DPP10: variants seen among roughly 807,000 people sequenced by gnomAD.
DPP10 encodes inactive dipeptidyl peptidase 10.
A neutral mutation model predicts 120.9 loss-of-function variants in DPP10; 33 were observed. That is an observed-to-expected ratio of 0.27 (90% CI 0.21 to 0.37). DPP10 has a LOEUF of 0.37. Among genes scored for constraint, DPP10 ranks in the 10% least tolerant of loss-of-function variants. The pLI is 1.00. For synonymous variants in DPP10, 337 were observed against 326.1 expected, an observed-to-expected ratio of 1.03 and a Z score of -0.36; for missense variants, 816 against 942.8, an observed-to-expected ratio of 0.87 and a Z score of 1.76.
At chr2:114,778,693 T>C (rs1474368917) in intron 1 of DPP10, among the ~76,000 whole-genome samples, 1 of 151,916 alleles carries the variant, frequency 6.6e-6, no homozygotes, top group Non-Finnish European at 1.5e-5. Context: ...AAGTGGTATA[T>C]ACCACTTCCA....
At chr2:115,047,247 T>C (rs1399585333) in intron 1 of DPP10, among the ~76,000 whole-genome samples, 1 of 152,068 alleles carries the variant, frequency 6.6e-6, no homozygotes, top group Non-Finnish European at 1.5e-5. Context: ...ATCAAACAAA[T>C]GTTTCATCAT....
chr2:114,910,704 C>T (rs983307493), intron 1 of DPP10, among the ~76,000 whole-genome samples: 1 of 152,044 alleles, frequency 6.6e-6, no homozygotes, highest in African/African-American at 2.4e-5. Context: ...AAGTTTTGTG[C>T]ATAAGAAATC....
chr2:115,430,005 G>A (rs984477167), intron 3 of DPP10, among the ~76,000 whole-genome samples: 1 of 152,138 alleles, frequency 6.6e-6, no homozygotes, highest in Non-Finnish European at 1.5e-5. Context: ...CGTTTTGGAG[G>A]CCTTGGAAAA....
In DPP10 at chr2:114,758,366, CA is replaced by C. The variant is rs1679978202; in HGVS notation, c.60+315530del. Among the ~76,000 whole-genome samples the C allele has an allele frequency of 4.6e-5, 7 of 152,322 alleles. No homozygotes were observed. In the South Asian group the frequency reaches 1.5e-3, roughly 32 times the overall value. ...CAGATTCCCAAGCTGCCATTTCACC[CA>C]ATCATATTTTAGACAGTTGAAGTCT... On this transcript the variant is annotated intron_variant, in intron 1 of 25. Coordinates refer to ENST00000410059, the MANE Select transcript of DPP10 (RefSeq NM_020868.6).
intron 5 of DPP10, among the ~76,000 whole-genome samples, chr2:115,651,156 A>C (rs928736493): frequency 6.6e-6 from 1 of 152,054 alleles, no homozygotes; most frequent in Non-Finnish European, 1.5e-5. Flanking sequence ...CCTAGTAGTA[A>C]CTAGTCCAAA....
chr2:115,012,967 T>G (rs1394109768), intron 1 of DPP10, among the ~76,000 whole-genome samples: 1 of 152,200 alleles, frequency 6.6e-6, no homozygotes, highest in African/African-American at 2.4e-5. Context: ...AGTCTTTGTC[T>G]TTTAATTGGG....
chr2:115,484,062 C>G (rs2075613958), intron 3 of DPP10, among the ~76,000 whole-genome samples: 1 of 151,288 alleles, frequency 6.6e-6, no homozygotes, highest in Non-Finnish European at 1.5e-5. Context: ...AGACAAACAG[C>G]AAACTCTGCT....
At chr2:114,976,683 G>C (rs1239867767) in intron 1 of DPP10, among the ~76,000 whole-genome samples, 1 of 152,128 alleles carries the variant, frequency 6.6e-6, no homozygotes, top group Non-Finnish European at 1.5e-5. Flanking sequence ...CTGCAAAAAA[G>C]TATTTCTTCA....
At chr2:115,780,164 TAAA>T (rs1682577470) in intron 15 of DPP10, among the ~76,000 whole-genome samples, 1 of 152,020 alleles carries the variant, frequency 6.6e-6, no homozygotes, top group Non-Finnish European at 1.5e-5. Flanking sequence ...ACTTATTTAT[TAAA>T]TAAACAATTT....
rs1408000878 is a variant in DPP10 at position 115,175,728 on chromosome 2, C to T, written c.61-133511C>T. On this transcript the variant is annotated intron_variant, in intron 1 of 25. Coordinates refer to ENST00000410059, the MANE Select transcript of DPP10 (RefSeq NM_020868.6). ...GTATTGGTGTTTTCCAATATGATAACCACCAGCTACACATGGCTATCATGT... is the reference window on the plus strand; with the variant it reads ...GTATTGGTGTTTTCCAATATGATAATCACCAGCTACACATGGCTATCATGT... Among the ~76,000 whole-genome samples the T allele has an allele frequency of 2.0e-5, 3 of 152,174 alleles. No homozygotes were observed. In the South Asian group the frequency reaches 6.2e-4, roughly 32 times the overall value.
At chr2:114,552,775 A>T (rs1407400707) in intron 1 of DPP10, among the ~76,000 whole-genome samples, 2 of 152,074 alleles carry the variant, frequency 1.3e-5, no homozygotes, top group East Asian at 3.9e-4. Context: ...CGAACTCCTG[A>T]CCTCAGGTGA....
intron 4 of DPP10, among the ~76,000 whole-genome samples, chr2:115,521,815 T>A (rs2077829351): frequency 6.6e-6 from 1 of 152,280 alleles, no homozygotes; most frequent in Admixed American, 6.5e-5. Context: ...TGATTTTGCT[T>A]CTTTCTTGGC....
intron 19 of DPP10, among the ~76,000 whole-genome samples, chr2:115,799,163 C>A (rs116068143): frequency 6.6e-6 from 1 of 151,852 alleles, no homozygotes; most frequent in African/African-American, 2.4e-5. Context: ...GACATTAATA[C>A]CTTGGGAAAG....
chr2:114,506,386 A>G (rs576350317), intron 1 of DPP10, among the ~76,000 whole-genome samples: 63 of 152,240 alleles, frequency 4.1e-4, no homozygotes, highest in African/African-American at 1.4e-3. Context: ...TTCATCGGTA[A>G]TAAAATCCCC....
At chr2:114,747,877 G>A (rs1452924702) in intron 1 of DPP10, among the ~76,000 whole-genome samples, 2 of 152,014 alleles carry the variant, frequency 1.3e-5, no homozygotes, top group African/African-American at 4.8e-5. Flanking sequence ...TTTAGTTAAT[G>A]CATTCCTCGG....
intron 1 of DPP10, among the ~76,000 whole-genome samples, chr2:115,115,877 C>A (rs1286074229): frequency 6.6e-6 from 1 of 152,090 alleles, no homozygotes. Context: ...ACAACCTACA[C>A]AGTATTCAGG....
intron 1 of DPP10, among the ~76,000 whole-genome samples, chr2:114,869,586 G>A (rs1256657926): frequency 6.6e-6 from 1 of 152,156 alleles, no homozygotes; most frequent in Non-Finnish European, 1.5e-5. Context: ...ATAACTTGTG[G>A]TCACAGGAAT....
chr2:114,940,489 A>G (rs1468697976), intron 1 of DPP10, among the ~76,000 whole-genome samples: 2 of 151,900 alleles, frequency 1.3e-5, no homozygotes, highest in Non-Finnish European at 2.9e-5. Flanking sequence ...TTCTGGAGCT[A>G]GAGTAGTTAG....
At chr2:114,637,408 C>T (rs1036630505) in intron 1 of DPP10, among the ~76,000 whole-genome samples, 1 of 151,824 alleles carries the variant, frequency 6.6e-6, no homozygotes, top group African/African-American at 2.4e-5. Flanking sequence ...GTCAGGGGAA[C>T]GACTGGGGCC....
Sources: gnomAD v4.1 joint callset for allele counts (sites outside exome capture counted in the v4.1 genomes callset) on GRCh38, gnomAD v4.1.1 for gene constraint, MANE v1.5 for transcripts, NCBI Gene and HGNC (gene_info 2026-07-23, HGNC 2026-07-21) for gene names.